Variants in SCEL observed in about 807,000 individuals in gnomAD.
The protein encoded by SCEL is sciellin.
SCEL carries 113 observed loss-of-function variants against 117.6 expected under a neutral mutation model. That is an observed-to-expected ratio of 0.96 (90% confidence interval 0.83 to 1.12). The LOEUF is 1.12. Among genes scored for constraint, SCEL ranks in the 50% most tolerant of loss-of-function variants. The pLI, the probability that SCEL is intolerant of heterozygous loss-of-function variation, is 0.00. For synonymous variants in SCEL, 270 were observed against 256.2 expected, an observed-to-expected ratio of 1.05 and a Z score of -0.51; for missense variants, 785 against 810.8, an observed-to-expected ratio of 0.97 and a Z score of 0.39.
Position 77,609,065 on chromosome 13 carries a change from G to T in SCEL, c.1225G>T (p.Asp409Tyr). 6.3e-7 allele frequency: 1 copy of T among 1,589,390 alleles called. No homozygotes were observed. Among genetic ancestry groups the T allele is most frequent in the South Asian group, 1.2e-5 (1 of 85,430 alleles). ...TTGTTTTTTTGTTTGAAGTTCCAAA[G>T]ACCTTAATAACTTCATCAAAGTGTA... ...EVKRSNQGSK[D>Y]LNNFIKVYPG... Residue 409 changes from aspartate (D) to tyrosine (Y), a missense_variant, in exon 21 of 33, where the codon GAC (aspartate) becomes TAC (tyrosine). Physicochemically the swap from Asp to Tyr is radical, Grantham distance 160. Transcript: ENST00000349847.
At chr13:77,565,177 G>T (rs2085218722) in intron 5 of SCEL, among the ~76,000 whole-genome samples, 1 of 152,154 alleles carries the variant, frequency 6.6e-6, no homozygotes, top group Non-Finnish European at 1.5e-5. Flanking sequence ...GTGGGAAATA[G>T]ACTAGACCTC....
intron 4 of SCEL, among the ~76,000 whole-genome samples, chr13:77,560,652 A>G (rs2084928016): frequency 6.6e-6 from 1 of 152,232 alleles, no homozygotes; most frequent in African/African-American, 2.4e-5. Flanking sequence ...AAATTAAGAC[A>G]AAACAGTAAT....
chr13:77,605,117 CTG>C (rs1313288815), intron 19 of SCEL, among the ~76,000 whole-genome samples: 11 of 152,258 alleles, frequency 7.2e-5, no homozygotes, highest in Non-Finnish European at 1.5e-5. Flanking sequence ...ATTTTTGAAA[CTG>C]AATTTGTTGG....
At chr13:77,570,687 A>G (rs1317510003) in intron 8 of SCEL, among the ~76,000 whole-genome samples, 1 of 152,078 alleles carries the variant, frequency 6.6e-6, no homozygotes, top group Non-Finnish European at 1.5e-5. Flanking sequence ...GTTTTCATCC[A>G]TATCTTGATC....
Position 77,597,202 on chromosome 13 carries a change from T to TG in SCEL, c.753-342dup, listed in dbSNP as rs370014867. On this transcript the variant is annotated intron_variant, in intron 12 of 32. Transcript: ENST00000349847. The stretch of plus-strand genomic sequence containing the variant: ...AAATACAGTTCTAAATTTTAAGTGG[T>TG]GTGCATATGTGTGCCTGTGCTGAGG... 2.0e-4 allele frequency: 49 copies of TG among 245,366 alleles called. 1 individual carries two copies. The highest frequency in any genetic ancestry group is 1.2e-3 in the African/African-American group (49 of 41,302). 15.2% of individuals were successfully genotyped at this position (245,366 alleles called of 1,614,324 possible). A position where few individuals can be genotyped will look rare whatever the true frequency, so the allele number is the denominator to read the frequency against.
intron 1 of SCEL, among the ~76,000 whole-genome samples, chr13:77,539,037 G>T (rs1487813367): frequency 2.6e-5 from 4 of 152,120 alleles, no homozygotes; most frequent in Non-Finnish European, 4.4e-5. Flanking sequence ...TCTCCCCAGG[G>T]TTCCCTCTTT....
At chr13:77,582,712 TG>T (rs1474177487) in intron 9 of SCEL, among the ~76,000 whole-genome samples, 2 of 152,202 alleles carry the variant, frequency 1.3e-5, no homozygotes, top group Non-Finnish European at 2.9e-5. Flanking sequence ...AGAGCCAAAG[TG>T]TTTTTTTAAT....
rs748682440 is a variant in SCEL at position 77,603,111 on chromosome 13, C to T, written c.1073C>T (p.Pro358Leu). The T allele has an allele frequency of 1.9e-6, 3 of 1,562,574 alleles. No individual in the cohort carries two copies. In the East Asian group the frequency reaches 6.8e-5, roughly 35 times the overall value. Residue 358 changes from proline (P) to leucine (L), a missense_variant, in exon 18 of 33, where the codon CCC becomes CTC. Pro to Leu is a moderately conservative substitution (Grantham distance 98). Coordinates refer to ENST00000349847, the MANE Select transcript of SCEL (RefSeq NM_144777.3). The stretch of plus-strand genomic sequence containing the variant: ...CTTGATAATGCTACTGAAGTAAATC[C>T]CAAAGGACATGAAAATACCACTGGG... ...EDLDNATEVN[P>L]KGHENTTGKK...
chr13:77,550,008 G>GT (rs397851742), intron 1 of SCEL, among the ~76,000 whole-genome samples: 10,290 of 140,182 alleles, frequency 0.073, 424 homozygotes, highest in Non-Finnish European at 0.091. Context: ...CCTGCTGCCA[G>GT]TTTTTTTTTT....
chr13:77,543,374 C>T (rs1014795608), intron 1 of SCEL, among the ~76,000 whole-genome samples: 1 of 152,288 alleles, frequency 6.6e-6, no homozygotes, highest in East Asian at 1.9e-4. Context: ...TGAGCCACCG[C>T]GCCCGGCCAA....
intron 1 of SCEL, among the ~76,000 whole-genome samples, chr13:77,552,757 G>T (rs941405360): frequency 1.7e-4 from 26 of 152,302 alleles, no homozygotes; most frequent in Non-Finnish European, 1.8e-4. Flanking sequence ...TTTTAGACAT[G>T]AAGTCCTTGC....
At chr13:77,567,320 G>T (rs1304620379) in intron 5 of SCEL, among the ~76,000 whole-genome samples, 1 of 152,098 alleles carries the variant, frequency 6.6e-6, no homozygotes, top group Non-Finnish European at 1.5e-5. Flanking sequence ...TGGGCGTAGG[G>T]GTGCGTGCCT....
chr13:77,590,166 C>G (rs1388329306), intron 10 of SCEL, among the ~76,000 whole-genome samples: 2 of 152,014 alleles, frequency 1.3e-5, no homozygotes, highest in East Asian at 3.9e-4. Context: ...TAGAAATATT[C>G]TTCATTAAGA....
chr13:77,586,646 C>A lies in SCEL; in HGVS notation c.546-2498C>A, dbSNP rs184074224. Among the ~76,000 whole-genome samples, 87 of 152,276 alleles carry A rather than the reference C, an allele frequency of 5.7e-4. 3 individuals are homozygous for A. The highest frequency in any genetic ancestry group is 4.4e-5 in the Non-Finnish European group (3 of 68,030). On this transcript the variant is annotated intron_variant, in intron 9 of 32. Transcript: ENST00000349847. ...AGTCTATTCTGTTCCTCCTCCCCAA[C>A]CAGTTGAATATGGCAAGAGGAAACA...
intron 1 of SCEL, 130 bp from the exon 2 acceptor site, chr13:77,555,726 TC>T (rs1407130462): frequency 1.6e-6 from 1 of 608,342 alleles, no homozygotes; most frequent in Non-Finnish European, 3.0e-6. Flanking sequence ...GCACTTTATG[TC>T]ATGCATTTGT....
At chr13:77,538,270 C>T (rs932710490) in intron 1 of SCEL, among the ~76,000 whole-genome samples, 9 of 152,092 alleles carry the variant, frequency 5.9e-5, no homozygotes, top group Non-Finnish European at 1.2e-4. Context: ...GTGTGCACCA[C>T]CACACCCGAC....
chr13:77,584,744 ACCTCCTT>A (rs763794769), intron 9 of SCEL, among the ~76,000 whole-genome samples: 1 of 151,896 alleles, frequency 6.6e-6, no homozygotes, highest in Non-Finnish European at 1.5e-5. Flanking sequence ...AGGACTGATC[ACCTCCTT>A]CCCCCTTTCC....
rs375855737 is a variant in SCEL at position 77,613,962 on chromosome 13, G to T, written c.1451+7G>T. ...CTGTCAAAAACACTGATGGGTAAGA[G>T]ATGGATGTGATTTTTGTTGTGTTTC... On this transcript the variant is annotated splice_region_variant and intron_variant, in intron 24 of 32. Coordinates refer to ENST00000349847, the MANE Select transcript of SCEL (RefSeq NM_144777.3). 5.3e-5 allele frequency: 86 copies of T among 1,609,256 alleles called. No homozygotes were observed. Among genetic ancestry groups the T allele is most frequent in the Non-Finnish European group, 6.8e-5 (80 of 1,176,558 alleles).
chr13:77,571,948 C>T (rs1311040344), intron 8 of SCEL, among the ~76,000 whole-genome samples, 176 bp from the exon 9 acceptor site: 1 of 152,140 alleles, frequency 6.6e-6, no homozygotes, highest in Non-Finnish European at 1.5e-5. Flanking sequence ...CTTGGAGGAA[C>T]AGATAGCCTA....
Sources: allele counts gnomAD v4.1 joint callset (sites outside exome capture counted in the v4.1 genomes callset), GRCh38; gene constraint gnomAD v4.1.1; transcripts MANE v1.5; gene names NCBI Gene and HGNC (gene_info 2026-07-23, HGNC 2026-07-21).